SETD3: variants seen among roughly 807,000 people sequenced by gnomAD.
The protein encoded by SETD3 is SET domain containing 3, actin N3(tau)-histidine methyltransferase, also known as actin-histidine N-methyltransferase.
Under a neutral mutation model 63.0 loss-of-function variants are expected in SETD3, and 19 were observed. The ratio of observed to expected loss-of-function variants is 0.30; its 90% CI spans 0.21 to 0.44. SETD3 has a LOEUF of 0.44. SETD3 is among the 20% of genes least tolerant of loss of function. The pLI is 1.00. For synonymous variants in SETD3, 286 were observed against 264.1 expected (o/e 1.08, Z -0.80); for missense variants, 587 against 728.5 (o/e 0.81, Z 2.24).
At position 99,446,584 on chromosome 14, in the gene SETD3, C is replaced by T. The variant is rs182844220; in HGVS notation, c.675+11695G>A. 2.0e-5 allele frequency among the ~76,000 whole-genome samples: 3 copies of T among 152,232 alleles called. No individual in the cohort carries two copies. The East Asian group carries it at 5.8e-4, about 30-fold the overall frequency. On this transcript the variant is annotated intron_variant, in intron 6 of 12. Coordinates refer to ENST00000331768, the MANE Select transcript of SETD3 (RefSeq NM_032233.3). ...CCCTATGGGTGCCTCTACTCCCATG[C>T]AAACACCTGCGTCACAGGTAAGGTG...
At chr14:99,419,230 A>G (rs1417497439) in intron 6 of SETD3, among the ~76,000 whole-genome samples, 1 of 152,224 alleles carries the variant, frequency 6.6e-6, no homozygotes, top group East Asian at 1.9e-4. Context: ...AAATACATCA[A>G]TACACACTGA....
intron 11 of SETD3, among the ~76,000 whole-genome samples, chr14:99,400,694 C>T (rs1422010658): frequency 1.3e-5 from 2 of 152,200 alleles, no homozygotes; most frequent in East Asian, 3.8e-4. Context: ...AGAGCCACAA[C>T]AATCCCGCAA....
In SETD3 at chr14:99,405,241, A is replaced by G; in HGVS notation, c.1055T>C (p.Met352Thr). 3 of 1,609,300 alleles carry G rather than the reference A, an allele frequency of 1.9e-6. No individual in the cohort carries two copies. Among genetic ancestry groups the G allele is most frequent in the South Asian group, 1.1e-5 (1 of 90,812 alleles). The change falls in exon 10 of 13, where the codon ATG (methionine) becomes ACG (threonine). Residue 352 changes from methionine to threonine, a missense_variant. Physicochemically the swap from Met to Thr is moderately conservative, Grantham distance 81. Coordinates refer to ENST00000331768, the MANE Select transcript of SETD3 (RefSeq NM_032233.3). ...GVSKSDRLYA[M>T]KAEVLARAGI... ...GGCACGAGCCAAGACCTCGGCCTTC[A>G]TGGCGTAGAGTCTGTCACTTTTACT...
At chr14:99,453,600 G>A (rs1368821797) in intron 6 of SETD3, among the ~76,000 whole-genome samples, 1 of 152,128 alleles carries the variant, frequency 6.6e-6, no homozygotes, top group Non-Finnish European at 1.5e-5. Context: ...CGAGGTGGGT[G>A]GATCACCAGA....
At chr14:99,424,450 G>C (rs1892768725) in intron 6 of SETD3, among the ~76,000 whole-genome samples, 1 of 152,136 alleles carries the variant, frequency 6.6e-6, no homozygotes, top group Admixed American at 6.5e-5. Flanking sequence ...CAGGCTGCTG[G>C]GGCTGGAAGA....
In SETD3 at chr14:99,440,985, C is replaced by T. The variant is rs148179259; in HGVS notation, c.675+17294G>A. Among the ~76,000 whole-genome samples the T allele has an allele frequency of 1.7e-3, 264 of 152,346 alleles. 1 individual carries two copies. The highest frequency in any genetic ancestry group is 6.1e-3 in the African/African-American group (252 of 41,586). ...AAGAAAGGACAGGAACGCTGATGCT[C>T]AGGGCCAATGAGGCCTGTGAGCAGA... On this transcript the variant is annotated intron_variant, in intron 6 of 12. Transcript: ENST00000331768.
Position 99,404,284 on chromosome 14 carries a change from G to C in SETD3, c.1118C>G (p.Thr373Ser). 1 of 1,614,108 alleles carries C rather than the reference G, an allele frequency of 6.2e-7. No individual in the cohort carries two copies. The highest frequency in any genetic ancestry group is 1.1e-5 in the South Asian group (1 of 91,076). Residue 373 changes from threonine to serine, a missense_variant, in exon 11 of 13, where the codon ACC (threonine) becomes AGC (serine). By Grantham distance (58) the Thr-to-Ser change is moderately conservative. Coordinates refer to ENST00000331768, the MANE Select transcript of SETD3 (RefSeq NM_032233.3). ...PTSSVFALHF[T>S]EPPISAQLLA... ...AAGCTGAGCAGAGATGGGCGGCTCG[G>C]TAAAATGCAATGCAAAAACACTGGA... is the stretch of plus-strand genomic sequence containing the variant.
chr14:99,402,832 A>C (rs1252511399), intron 11 of SETD3, among the ~76,000 whole-genome samples: 3 of 152,238 alleles, frequency 2.0e-5, no homozygotes, highest in African/African-American at 2.4e-5. Context: ...AGCATGTACC[A>C]AATGTAGCAT....
intron 6 of SETD3, among the ~76,000 whole-genome samples, chr14:99,414,254 T>C (rs1892166120): frequency 6.6e-6 from 1 of 152,250 alleles, no homozygotes; most frequent in East Asian, 1.9e-4. Flanking sequence ...CGATGAGCAC[T>C]GGATCTAAGC....
chr14:99,436,425 G>A (rs1486777247), intron 6 of SETD3, among the ~76,000 whole-genome samples: 1 of 152,070 alleles, frequency 6.6e-6, no homozygotes, highest in East Asian at 1.9e-4. Context: ...GGCAAGACAG[G>A]GTCAGGCACA....
intron 6 of SETD3, among the ~76,000 whole-genome samples, chr14:99,445,724 C>T (rs1894094629): frequency 6.6e-6 from 1 of 152,154 alleles, no homozygotes; most frequent in Non-Finnish European, 1.5e-5. Flanking sequence ...CATAAGGATA[C>T]TTATTCAGGG....
chr14:99,398,805 T>A lies in SETD3; in HGVS notation c.1659A>T (p.Val553=), dbSNP rs768135586. Residue 553 remains valine, a synonymous_variant, in exon 13 of 13, where the codon GTA becomes GTT. Transcript: ENST00000331768. ...SKAKATENGL[V]NGENSIPNGT... ...CATTAGGGATAGAGTTTTCACCGTT[T>A]ACAAGCCCGTTTTCTGTGGCCTTTG... The A allele has an allele frequency of 1.2e-6, 2 of 1,614,242 alleles. No homozygotes were observed. The highest frequency in any genetic ancestry group is 1.7e-6 in the Non-Finnish European group (2 of 1,180,048).
chr14:99,474,455 G>A (rs1311605248), intron 1 of SETD3, among the ~76,000 whole-genome samples: 1 of 152,198 alleles, frequency 6.6e-6, no homozygotes, highest in Non-Finnish European at 1.5e-5. Context: ...TAAGTACCAA[G>A]ATGTATAAAG....
At chr14:99,435,111 A>AT (rs1271851409) in intron 6 of SETD3, among the ~76,000 whole-genome samples, 1 of 152,122 alleles carries the variant, frequency 6.6e-6, no homozygotes, top group Non-Finnish European at 1.5e-5. Flanking sequence ...ACCATTTACC[A>AT]CCAGGTACAT....
intron 6 of SETD3, among the ~76,000 whole-genome samples, chr14:99,415,497 G>A (rs1892243456): frequency 6.6e-6 from 1 of 152,048 alleles, no homozygotes; most frequent in Non-Finnish European, 1.5e-5. Flanking sequence ...TCTCCATCAA[G>A]AGATGGAAAA....
At chr14:99,451,242 TCTG>T (rs1428026801) in intron 6 of SETD3, among the ~76,000 whole-genome samples, 3 of 152,220 alleles carry the variant, frequency 2.0e-5, no homozygotes, top group African/African-American at 7.2e-5. Context: ...TATGTTCTGA[TCTG>T]CTAGTATTTT....
chr14:99,444,679 C>A (rs2139731630), intron 6 of SETD3, among the ~76,000 whole-genome samples: 1 of 152,088 alleles, frequency 6.6e-6, no homozygotes, highest in East Asian at 1.9e-4. Context: ...AGCAACATGG[C>A]AAAAACTCAT....
Position 99,398,871 on chromosome 14 carries a change from T to C in SETD3, c.1593A>G (p.Gly531=), listed in dbSNP as rs745808513. 2.0e-5 allele frequency: 33 copies of C among 1,614,130 alleles called. No homozygotes were observed. Among genetic ancestry groups the C allele is most frequent in the Non-Finnish European group, 2.8e-5 (33 of 1,180,044 alleles). ...CTCTGATGTTCAAGGCATCCTGCAC[T>C]CCAGCCTCCTCCTCGAGGTTTCTCA... ...LVLRNLEEEA[G]VQDALNIREA... is the part of the protein sequence containing the mutation. The change falls in exon 13 of 13, where the codon GGA becomes GGG. Residue 531 remains glycine (G), a synonymous_variant. Transcript: ENST00000331768.
chr14:99,478,574 C>A (rs1037596059), intron 1 of SETD3, among the ~76,000 whole-genome samples: 1 of 152,232 alleles, frequency 6.6e-6, no homozygotes, highest in Admixed American at 6.5e-5. Flanking sequence ...ACACTGACAT[C>A]TAGTCACAAA....
Sources: gnomAD v4.1 joint callset for allele counts (sites outside exome capture counted in the v4.1 genomes callset) on GRCh38, gnomAD v4.1.1 for gene constraint, MANE v1.5 for transcripts, NCBI Gene and HGNC (gene_info 2026-07-23, HGNC 2026-07-21) for gene names.